DOCK8: variants seen among roughly 807,000 people sequenced by gnomAD.
DOCK8 encodes the protein dedicator of cytokinesis 8.
DOCK8 carries 141 observed loss-of-function variants against 245.6 expected under a neutral mutation model. The observed-to-expected ratio is 0.57, with a 90% CI of 0.50 to 0.66. The LOEUF (loss-of-function observed/expected upper bound fraction) is 0.66, where lower values mean the gene tolerates loss of function less well. DOCK8 is among the 30% of genes least tolerant of loss of function. DOCK8 has a pLI of 0.00. For missense variants in DOCK8, 2,965 were observed against 2,603.4 expected, an observed-to-expected ratio of 1.14 and a Z score of -3.02; for synonymous variants, 1,168 against 970.2, an observed-to-expected ratio of 1.20 and a Z score of -3.79.
intron 46 of DOCK8, among the ~76,000 whole-genome samples, chr9:462,202 G>T (rs1287768460): frequency 6.6e-6 from 1 of 152,104 alleles, no homozygotes. Flanking sequence ...GATTGAGAAT[G>T]TGTTCCTCCA....
chr9:248,799 AG>A (rs1331082118), intron 1 of DOCK8, among the ~76,000 whole-genome samples: 1 of 152,120 alleles, frequency 6.6e-6, no homozygotes, highest in African/African-American at 2.4e-5. Context: ...ATTTTTGCTG[AG>A]ATAGTGCTGT....
chr9:451,863 A>ATGTGTG (rs1255233420), intron 45 of DOCK8, 148 bp from the exon 46 acceptor site: 1 of 241,242 alleles, frequency 4.1e-6, no homozygotes, highest in Non-Finnish European at 7.2e-6. Flanking sequence ...ATTCATATAT[A>ATGTGTG]TGTGTGTGTA....
At chr9:417,542 C>G (rs2056081716) in intron 29 of DOCK8, among the ~76,000 whole-genome samples, 2 of 152,050 alleles carry the variant, frequency 1.3e-5, no homozygotes, top group African/African-American at 2.4e-5. Context: ...AAAAACCAGA[C>G]TTTTAAACGG....
Position 386,442 on chromosome 9 carries a change from A to G in DOCK8, c.2874+16A>G, listed in dbSNP as rs1426289495. The stretch of plus-strand genomic sequence containing the variant: ...CAGCAAAAAGGTACTGAAGAGAGCA[A>G]TGTGAGGTTCATCCCAGGATAAGAA... On this transcript the variant is annotated intron_variant, in intron 23 of 47. Transcript: ENST00000432829. 1.9e-6 allele frequency: 3 copies of G among 1,606,676 alleles called. No individual in the cohort carries two copies. The highest frequency in any genetic ancestry group is 1.7e-6 in the Non-Finnish European group (2 of 1,173,814).
intron 8 of DOCK8, among the ~76,000 whole-genome samples, chr9:327,632 A>G (rs2050823213): frequency 6.6e-6 from 1 of 152,140 alleles, no homozygotes; most frequent in Admixed American, 6.6e-5. Context: ...CGTGAGCTCA[A>G]GCAATGTGCC....
chr9:417,887 G>C (rs544285793), intron 29 of DOCK8, among the ~76,000 whole-genome samples, 181 bp from the exon 30 acceptor site: 1 of 152,346 alleles, frequency 6.6e-6, no homozygotes, highest in South Asian at 2.1e-4. Flanking sequence ...TCTTGTGCTA[G>C]ACATTGTCTC....
chr9:368,421 C>T, intron 15 of DOCK8: 2 of 636,096 alleles, frequency 3.1e-6, no homozygotes, highest in East Asian at 2.7e-5. Context: ...AGGACCACCC[C>T]ACTCTAAAGG....
At chr9:419,579 C>A (rs2056188944) in intron 30 of DOCK8, among the ~76,000 whole-genome samples, 1 of 152,156 alleles carries the variant, frequency 6.6e-6, no homozygotes, top group African/African-American at 2.4e-5. Context: ...TGCTTTATAA[C>A]CTCTATTATT....
At chr9:389,976 C>T (rs749422310) in intron 23 of DOCK8, among the ~76,000 whole-genome samples, 7 of 151,756 alleles carry the variant, frequency 4.6e-5, no homozygotes, top group African/African-American at 7.3e-5. Flanking sequence ...AGCGAGATTA[C>T]GCCACCGCAT....
chr9:418,137 A>G lies in DOCK8; in HGVS notation c.3770A>G (p.Gln1257Arg). The change falls in exon 30 of 48, where the codon CAG becomes CGG. Residue 1257 changes from glutamine to arginine, a missense_variant. Around this residue, in one of 3 missense-constraint regions of DOCK8, gnomAD observed 2,825 missense variants for 2,453.5 expected, o/e 1.15. Transcript: ENST00000432829. ...EEQEGAGAIN[Q>R]NVALAIAGNN... Reference sequence around the variant, plus strand: ...CAAGAAGGAGCCGGTGCCATTAACCAGAATGTGGCTCTGGCCATAGCAGGG... The same window carrying G: ...CAAGAAGGAGCCGGTGCCATTAACCGGAATGTGGCTCTGGCCATAGCAGGG... 1 of 1,614,258 alleles carries G rather than the reference A, an allele frequency of 6.2e-7. No homozygotes were observed. Among genetic ancestry groups the G allele is most frequent in the Non-Finnish European group, 8.5e-7 (1 of 1,180,040 alleles).
At position 347,141 on chromosome 9, in the gene DOCK8, G is replaced by A. The variant is rs534363480; in HGVS notation, c.1679+6820G>A. On this transcript the variant is annotated intron_variant, in intron 14 of 47. Coordinates refer to ENST00000432829, the MANE Select transcript of DOCK8 (RefSeq NM_203447.4). ...ACTCTCTTTTGTTCAAAATCAAAGC[G>A]TCCCCCTCCTTCTCATGGAAGGGAA... Among the ~76,000 whole-genome samples, 5 of 152,168 alleles carry A rather than the reference G, an allele frequency of 3.3e-5. No individual in the cohort carries two copies. In the South Asian group the frequency reaches 1.0e-3, roughly 32 times the overall value.
At position 430,310 on chromosome 9, in the gene DOCK8, A is replaced by G. The variant is rs529532576; in HGVS notation, c.4626+456A>G. ...AATTGCTTGAACCTGGGAGGCAGAT[A>G]TTGCAGTGAGCCGAGATTGCCCCAT... On this transcript the variant is annotated intron_variant, in intron 36 of 47. Transcript: ENST00000432829. Among the ~76,000 whole-genome samples the G allele has an allele frequency of 3.0e-4, 45 of 151,976 alleles. 1 individual carries two copies. The highest frequency in any genetic ancestry group is 1.0e-3 in the African/African-American group (42 of 41,450).
At chr9:248,547 TTC>T (rs71317280) in intron 1 of DOCK8, among the ~76,000 whole-genome samples, 11,271 of 67,388 alleles carry the variant, frequency 0.17, 469 homozygotes, top group African/African-American at 0.22. Flanking sequence ...CTTTCTTTCT[TTC>T]TCTCTCTCTC....
chr9:352,081 G>C (rs1236742961), intron 14 of DOCK8, among the ~76,000 whole-genome samples: 2 of 152,166 alleles, frequency 1.3e-5, no homozygotes, highest in Non-Finnish European at 1.5e-5. Context: ...GTTTGATGTT[G>C]CTAAACATCA....
At chr9:415,315 C>T (rs914960224) in intron 29 of DOCK8, among the ~76,000 whole-genome samples, 1 of 152,048 alleles carries the variant, frequency 6.6e-6, no homozygotes, top group African/African-American at 2.4e-5. Context: ...AAAGGTGTTC[C>T]TTCCCTTTTC....
Position 332,476 on chromosome 9 carries a change from A to G in DOCK8, c.1123A>G (p.Lys375Glu), listed in dbSNP as rs771034804. 1 of 1,607,908 alleles carries G rather than the reference A, an allele frequency of 6.2e-7. No homozygotes were observed. The highest frequency in any genetic ancestry group is 8.5e-7 in the Non-Finnish European group (1 of 1,174,436). The stretch of plus-strand genomic sequence containing the variant: ...GGTTATCAAAGAAAGTGATGGTGGA[A>G]AGGTATGGTAATTTGAGTGTTGTTA... Reference protein sequence around the residue: ...YTVIKESDGGKSKEKIEKLKL... With the variant: ...YTVIKESDGGESKEKIEKLKL... The change falls in exon 10 of 48, where the codon AAG (lysine) becomes GAG (glutamate). Residue 375 changes from lysine (K) to glutamate (E), a missense_variant and splice_region_variant. Physicochemically the swap from Lys to Glu is moderately conservative, Grantham distance 56. Transcript: ENST00000432829.
chr9:225,130 C>T (rs1431552573), intron 1 of DOCK8, among the ~76,000 whole-genome samples: 4 of 151,888 alleles, frequency 2.6e-5, no homozygotes, highest in African/African-American at 9.7e-5. Flanking sequence ...AGATTCAAAA[C>T]ACAAACAGAC....
At chr9:246,242 C>T (rs1439688431) in intron 1 of DOCK8, among the ~76,000 whole-genome samples, 2 of 151,946 alleles carry the variant, frequency 1.3e-5, no homozygotes, top group East Asian at 1.9e-4. Flanking sequence ...GGCATCTGGC[C>T]AGGTGTGGTT....
Position 312,088 on chromosome 9 carries a change from C to A in DOCK8, c.663C>A (p.Asp221Glu), listed in dbSNP as rs139391329. The change falls in exon 6 of 48, where the codon GAC (aspartate) becomes GAA (glutamate). Residue 221 changes from aspartate to glutamate, a missense_variant. Coordinates refer to ENST00000432829, the MANE Select transcript of DOCK8 (RefSeq NM_203447.4). ...TCCTGCAGCAAGTGAGTGCCGAGGACTTTGAGAAGCAGAACGAGGAGGCCC... is the reference window on the plus strand; with the variant it reads ...TCCTGCAGCAAGTGAGTGCCGAGGAATTTGAGAAGCAGAACGAGGAGGCCC... ...ENLLQQVSAE[D>E]FEKQNEEARR... 3,799 of 1,614,224 alleles carry A rather than the reference C, an allele frequency of 2.4e-3. 9 individuals are homozygous for A. The highest frequency in any genetic ancestry group is 2.8e-3 in the Non-Finnish European group (3,294 of 1,180,036).
Sources: gnomAD v4.1 joint callset for allele counts (sites outside exome capture counted in the v4.1 genomes callset) on GRCh38, gnomAD v4.1.1 for gene constraint, gnomAD v4.1.1 regional missense constraint, MANE v1.5 for transcripts, NCBI Gene and HGNC (gene_info 2026-07-23, HGNC 2026-07-21) for gene names.